The following IPCEF1 variants were observed in gnomAD, a reference collection of about 807,000 sequenced individuals.
The protein encoded by IPCEF1 is interactor protein for cytohesin exchange factors 1.
Under a neutral mutation model 50.9 loss-of-function variants are expected in IPCEF1, and 31 were observed. The ratio of observed to expected loss-of-function variants is 0.61; its 90% CI spans 0.46 to 0.82. IPCEF1 has a LOEUF of 0.82. Among genes scored for constraint, IPCEF1 ranks in the 40% least tolerant of loss-of-function variants. IPCEF1 has a pLI of 0.00. For missense variants in IPCEF1, 458 were observed against 514.0 expected (o/e 0.89, Z 1.05); for synonymous variants, 181 against 192.0 (o/e 0.94, Z 0.47).
chr6:154,167,403 TGCTCCTTG>T (rs1799528554), intron 11 of IPCEF1, among the ~76,000 whole-genome samples: 1 of 152,204 alleles, frequency 6.6e-6, no homozygotes, highest in Non-Finnish European at 1.5e-5. Context: ...GCTCTCATGG[TGCTCCTTG>T]GCTGCAGTGC....
At chr6:154,347,694 C>G (rs992069005) in intron 1 of IPCEF1, among the ~76,000 whole-genome samples, 7 of 152,222 alleles carry the variant, frequency 4.6e-5, no homozygotes, top group Non-Finnish European at 1.0e-4. Flanking sequence ...CTGCCTTGCT[C>G]TAAGGCTCAC....
intron 3 of IPCEF1, among the ~76,000 whole-genome samples, chr6:154,255,952 C>T (rs143825123): frequency 3.9e-4 from 59 of 152,216 alleles, no homozygotes; most frequent in South Asian, 2.5e-3. Context: ...AACATTTTGT[C>T]GAGCTTTTAA....
intron 9 of IPCEF1, among the ~76,000 whole-genome samples, chr6:154,203,816 G>T (rs1777266730): frequency 6.6e-6 from 1 of 152,146 alleles, no homozygotes; most frequent in Non-Finnish European, 1.5e-5. Flanking sequence ...GAATTGGCCA[G>T]AACCAGCTTT....
At chr6:154,182,109 C>A (rs1471570361) in intron 10 of IPCEF1, among the ~76,000 whole-genome samples, 1 of 152,040 alleles carries the variant, frequency 6.6e-6, no homozygotes, top group African/African-American at 2.4e-5. Context: ...AGAAACTGAA[C>A]ATATTAAGAG....
intron 11 of IPCEF1, among the ~76,000 whole-genome samples, chr6:154,161,651 C>T (rs758660675): frequency 2.6e-5 from 4 of 152,210 alleles, no homozygotes; most frequent in Non-Finnish European, 5.9e-5. Context: ...CCTCTGAGAA[C>T]TTACCGAGGT....
chr6:154,201,075 C>T (rs575471535), intron 9 of IPCEF1, among the ~76,000 whole-genome samples: 1 of 152,298 alleles, frequency 6.6e-6, no homozygotes, highest in South Asian at 2.1e-4. Flanking sequence ...CTTTCTGCTG[C>T]CACCATGTAA....
At chr6:154,214,610 T>C (rs1165642458) in intron 7 of IPCEF1, among the ~76,000 whole-genome samples, 1 of 152,244 alleles carries the variant, frequency 6.6e-6, no homozygotes, top group Admixed American at 6.5e-5. Flanking sequence ...CCTTTATCAC[T>C]GGATTTAGTA....
intron 11 of IPCEF1, among the ~76,000 whole-genome samples, chr6:154,162,410 A>T (rs951998286): frequency 1.3e-5 from 2 of 152,140 alleles, no homozygotes; most frequent in Admixed American, 6.5e-5. Flanking sequence ...ATTCACCAAA[A>T]CTGCTCTTGT....
intron 9 of IPCEF1, among the ~76,000 whole-genome samples, chr6:154,208,923 T>G (rs1777726417): frequency 6.6e-6 from 1 of 152,228 alleles, no homozygotes; most frequent in Non-Finnish European, 1.5e-5. Context: ...CACTTGCAAC[T>G]TCTTTGAGAA....
At chr6:154,217,956 T>C (rs1296270177) in intron 7 of IPCEF1, among the ~76,000 whole-genome samples, 1 of 152,220 alleles carries the variant, frequency 6.6e-6, no homozygotes, top group Non-Finnish European at 1.5e-5. Flanking sequence ...TCTCAGCCCT[T>C]ACCCAAAACT....
rs369063331 is a variant in IPCEF1, at chr6:154,188,346, G to A, written c.910+11322C>T. On this transcript the variant is annotated intron_variant, in intron 10 of 11. Coordinates refer to ENST00000367220, the MANE Select transcript of IPCEF1 (RefSeq NM_001130700.2). ...TAAATTGTGAAATTTATTATAAGAT[G>A]TAAGAAAGACAAATAAATGGAGAGA... Among the ~76,000 whole-genome samples, 67 of 152,274 alleles carry A rather than the reference G, an allele frequency of 4.4e-4. 1 individual carries two copies. The South Asian group carries it at 0.013, about 30-fold the overall frequency.
At chr6:154,300,713 C>T (rs778749375) in intron 1 of IPCEF1, among the ~76,000 whole-genome samples, 8 of 152,194 alleles carry the variant, frequency 5.3e-5, no homozygotes, top group Non-Finnish European at 1.0e-4. Context: ...AAGTCCAACA[C>T]GTAAACACCA....
At chr6:154,162,265 CAT>C (rs373702676) in intron 11 of IPCEF1, among the ~76,000 whole-genome samples, 7 of 152,336 alleles carry the variant, frequency 4.6e-5, no homozygotes, top group East Asian at 1.9e-4. Flanking sequence ...CACTGGTACA[CAT>C]GTTTGCTGTT....
chr6:154,353,334 G>C (rs920895946), intron 1 of IPCEF1, among the ~76,000 whole-genome samples: 1 of 108,144 alleles, frequency 9.2e-6, no homozygotes, highest in Admixed American at 1.4e-4. Context: ...CTCCCTCATT[G>C]CCCAGGCTGG....
intron 1 of IPCEF1, among the ~76,000 whole-genome samples, chr6:154,341,700 A>T (rs1326615079): frequency 6.6e-6 from 1 of 152,194 alleles, no homozygotes; most frequent in Non-Finnish European, 1.5e-5. Flanking sequence ...GGAAAGATAA[A>T]ACTAATTGTG....
chr6:154,282,482 A>G (rs937720451), intron 2 of IPCEF1, among the ~76,000 whole-genome samples: 2 of 152,140 alleles, frequency 1.3e-5, no homozygotes, highest in African/African-American at 4.8e-5. Context: ...GGAGATCGAG[A>G]CCATCCTGGC....
chr6:154,274,468 C>T (rs1255707051), intron 2 of IPCEF1, among the ~76,000 whole-genome samples: 1 of 152,164 alleles, frequency 6.6e-6, no homozygotes, highest in Admixed American at 6.5e-5. Context: ...CCAATAATGT[C>T]AATCTTTCCT....
rs536529946 is a variant in IPCEF1 at position 154,158,310 on chromosome 6, T to C, written c.*1518A>G. ...ACTTGGTGGGTTGTGGTTATTCCTA[T>C]GGTGAGAAATATTCATGGTGATTAG... On this transcript the variant is annotated 3_prime_UTR_variant, in exon 12 of 12. Coordinates refer to ENST00000367220, the MANE Select transcript of IPCEF1 (RefSeq NM_001130700.2). 2.9e-4 allele frequency: 44 copies of C among 152,312 alleles called. 1 individual carries two copies. Among genetic ancestry groups the C allele is most frequent in the African/African-American group, 1.1e-3 (44 of 41,562 alleles). The allele number at this position is 152,312 out of a possible 1,614,324, so 9.4% of individuals were successfully genotyped here.
chr6:154,246,819 T>A, intron 4 of IPCEF1, 59 bp from the exon 5 acceptor site: 1 of 1,527,326 alleles, frequency 6.5e-7, no homozygotes, highest in Non-Finnish European at 8.9e-7. Flanking sequence ...AGGTAAAGTA[T>A]TATCCTGATT....
Sources: gnomAD v4.1 joint callset for allele counts (sites outside exome capture counted in the v4.1 genomes callset) on GRCh38, gnomAD v4.1.1 for gene constraint, MANE v1.5 for transcripts, NCBI Gene and HGNC (gene_info 2026-07-23, HGNC 2026-07-21) for gene names.